SLC10A7: variants seen among roughly 807,000 people sequenced by gnomAD.
The protein encoded by SLC10A7 is sodium/bile acid cotransporter 7.
A neutral mutation model predicts 43.2 loss-of-function variants in SLC10A7; 29 were observed. That is an observed-to-expected ratio of 0.67 (90% CI 0.50 to 0.92). The LOEUF (loss-of-function observed/expected upper bound fraction) is 0.92. SLC10A7 is among the 40% of genes least tolerant of loss of function. SLC10A7 has a pLI of 0.00. For synonymous variants in SLC10A7, 152 were observed against 144.8 expected, an observed-to-expected ratio of 1.05 and a Z score of -0.35; for missense variants, 295 against 403.2, an observed-to-expected ratio of 0.73 and a Z score of 2.30.
chr4:146,338,827 C>T (rs754681529), intron 5 of SLC10A7, among the ~76,000 whole-genome samples: 7 of 151,860 alleles, frequency 4.6e-5, no homozygotes, highest in Non-Finnish European at 7.4e-5. Context: ...CAAAACAAAA[C>T]AAAACAAAAA....
chr4:146,289,861 G>A (rs1578798209), intron 9 of SLC10A7, among the ~76,000 whole-genome samples: 2 of 150,262 alleles, frequency 1.3e-5, no homozygotes, highest in East Asian at 2.0e-4. Context: ...GATTACAGGT[G>A]CACGCCACCA....
At position 146,256,149 on chromosome 4, in the gene SLC10A7, C is replaced by A; in HGVS notation, c.*342G>T. On this transcript the variant is annotated 3_prime_UTR_variant, in exon 12 of 12. Transcript: ENST00000335472. The stretch of plus-strand genomic sequence containing the variant: ...AAGGGCATTTTCCTGATGGTGTGAC[C>A]TCATTTCAAACATTACAGTAACTAC... The A allele has an allele frequency of 4.4e-6, 1 of 227,932 alleles. No homozygotes were observed. Among genetic ancestry groups the A allele is most frequent in the Non-Finnish European group, 8.5e-6 (1 of 117,262 alleles). The allele number at this position is 227,932 out of a possible 1,614,324, so 14.1% of individuals were successfully genotyped here. A position where few individuals can be genotyped will look rare whatever the true frequency, so the allele number is the denominator to read the frequency against.
At chr4:146,518,026 C>T (rs137941821) in intron 1 of SLC10A7, among the ~76,000 whole-genome samples, 1 of 152,270 alleles carries the variant, frequency 6.6e-6, no homozygotes, top group Non-Finnish European at 1.5e-5. Flanking sequence ...GGTGACCCAG[C>T]CAGGCCTGGT....
intron 5 of SLC10A7, among the ~76,000 whole-genome samples, chr4:146,395,341 G>C (rs1307208190): frequency 6.6e-6 from 1 of 152,162 alleles, no homozygotes; most frequent in African/African-American, 2.4e-5. Context: ...AGTGTGCCGT[G>C]ATCATGCCAC....
rs201648072 is a variant in SLC10A7, at chr4:146,361,002, C to G, written c.436-35006G>C. Among the ~76,000 whole-genome samples the G allele has an allele frequency of 5.9e-5, 9 of 152,224 alleles. No individual in the cohort carries two copies. The East Asian group carries it at 1.5e-3, about 26-fold the overall frequency. On this transcript the variant is annotated intron_variant, in intron 5 of 11. Coordinates refer to ENST00000335472, the MANE Select transcript of SLC10A7 (RefSeq NM_001029998.6). Reference sequence around the variant, plus strand: ...CTACTAGGAACATGTATTTTCTGCTCTCTACTCCCTACAACCCCTTTCCTC... The same window carrying G: ...CTACTAGGAACATGTATTTTCTGCTGTCTACTCCCTACAACCCCTTTCCTC...
chr4:146,285,208 C>G, intron 9 of SLC10A7, among the ~76,000 whole-genome samples: 1 of 151,966 alleles, frequency 6.6e-6, no homozygotes, highest in East Asian at 1.9e-4. Context: ...GGAGTTGGGA[C>G]AGTAGAATGA....
chr4:146,274,483 C>A (rs1354510997), intron 10 of SLC10A7, among the ~76,000 whole-genome samples: 1 of 152,110 alleles, frequency 6.6e-6, no homozygotes. Flanking sequence ...GGATTACAGG[C>A]ATGAGCCACC....
intron 5 of SLC10A7, among the ~76,000 whole-genome samples, chr4:146,333,405 G>A (rs1332479945): frequency 6.6e-6 from 1 of 152,102 alleles, no homozygotes; most frequent in African/African-American, 2.4e-5. Context: ...AGAGAAGACA[G>A]TTAAGCAATT....
chr4:146,396,556 G>C (rs1279264802), intron 5 of SLC10A7, among the ~76,000 whole-genome samples: 1 of 151,916 alleles, frequency 6.6e-6, no homozygotes, highest in East Asian at 1.9e-4. Flanking sequence ...CAGTTGTGTG[G>C]AACAAGTCAA....
In SLC10A7 at chr4:146,469,387, T is replaced by C. The variant is rs147292479; in HGVS notation, c.397-26566A>G. On this transcript the variant is annotated intron_variant, in intron 4 of 11. Coordinates refer to ENST00000335472, the MANE Select transcript of SLC10A7 (RefSeq NM_001029998.6). Reference sequence around the variant, plus strand: ...AAAGGGCACATGGGAAATGCTTCCTTGAAAGTAGCACCAGGGAAAAGTAAG... The same window carrying C: ...AAAGGGCACATGGGAAATGCTTCCTCGAAAGTAGCACCAGGGAAAAGTAAG... 1.7e-3 allele frequency among the ~76,000 whole-genome samples: 258 copies of C among 152,316 alleles called. 1 individual carries two copies. Among genetic ancestry groups the C allele is most frequent in the African/African-American group, 5.8e-3 (243 of 41,564 alleles).
chr4:146,435,217 C>T (rs908848220), intron 5 of SLC10A7, among the ~76,000 whole-genome samples: 4 of 152,112 alleles, frequency 2.6e-5, no homozygotes, highest in African/African-American at 9.7e-5. Context: ...AAATTGTTTA[C>T]TTGAAATCCT....
intron 5 of SLC10A7, among the ~76,000 whole-genome samples, chr4:146,426,071 T>C (rs1729330702): frequency 6.6e-6 from 1 of 152,194 alleles, no homozygotes; most frequent in Non-Finnish European, 1.5e-5. Context: ...TTAAGTATCA[T>C]TATGTATGAT....
rs1560739456 is a variant in SLC10A7, at chr4:146,258,691, C to T, written c.993+1G>A. 2 of 1,580,318 alleles carry T rather than the reference C, an allele frequency of 1.3e-6. No homozygotes were observed. Among genetic ancestry groups the T allele is most frequent in the Admixed American group, 2.1e-5 (1 of 48,134 alleles). On this transcript the variant is annotated splice_donor_variant, in intron 11 of 11. Transcript: ENST00000335472. LOFTEE classifies it high-confidence loss of function. ...CAAATAAGATCTTTCTGGGGACTCA[C>T]CTTCTGCCTTGATACCATCCAAGAC...
At chr4:146,354,517 TC>T (rs1735413128) in intron 5 of SLC10A7, among the ~76,000 whole-genome samples, 1 of 149,314 alleles carries the variant, frequency 6.7e-6, no homozygotes. Context: ...ATGACTTTCT[TC>T]ACAGAATTGG....
chr4:146,364,323 A>G (rs556260864), intron 5 of SLC10A7, among the ~76,000 whole-genome samples: 1 of 152,242 alleles, frequency 6.6e-6, no homozygotes, highest in East Asian at 1.9e-4. Flanking sequence ...GACCAAACAC[A>G]AAGAATGAGA....
At chr4:146,499,021 T>A (rs1438340348) in intron 4 of SLC10A7, among the ~76,000 whole-genome samples, 1 of 152,154 alleles carries the variant, frequency 6.6e-6, no homozygotes, top group Non-Finnish European at 1.5e-5. Flanking sequence ...CCATTACAAC[T>A]GCATACATCC....
chr4:146,334,278 A>AT (rs748774599), intron 5 of SLC10A7, among the ~76,000 whole-genome samples: 10 of 152,146 alleles, frequency 6.6e-5, no homozygotes, highest in Non-Finnish European at 1.0e-4. Context: ...AGTCCTCAGC[A>AT]TATAGCTTGG....
chr4:146,456,608 T>C (rs1346081391), intron 4 of SLC10A7, among the ~76,000 whole-genome samples: 3 of 151,996 alleles, frequency 2.0e-5, no homozygotes, highest in African/African-American at 2.4e-5. Flanking sequence ...TTATAAGGGA[T>C]ACACATTAGG....
intron 5 of SLC10A7, among the ~76,000 whole-genome samples, chr4:146,348,573 G>A (rs540977430): frequency 2.6e-5 from 4 of 152,230 alleles, no homozygotes; most frequent in South Asian, 2.1e-4. Flanking sequence ...TTCCTGTAGG[G>A]TATTTGACAA....
Sources: gnomAD v4.1 joint callset for allele counts (sites outside exome capture counted in the v4.1 genomes callset) on GRCh38, gnomAD v4.1.1 for gene constraint, MANE v1.5 for transcripts, NCBI Gene and HGNC (gene_info 2026-07-23, HGNC 2026-07-21) for gene names.